ZNF365: variants seen among roughly 807,000 people sequenced by gnomAD.
ZNF365 encodes the protein protein ZNF365.
Under a neutral mutation model 35.0 loss-of-function variants are expected in ZNF365, and 22 were observed. The observed-to-expected ratio is 0.63, with a 90% CI of 0.45 to 0.90. The LOEUF (loss-of-function observed/expected upper bound fraction) is 0.90, where lower values mean the gene tolerates loss of function less well. Among genes scored for constraint, ZNF365 ranks in the 40% least tolerant of loss-of-function variants. ZNF365 has a pLI of 0.00. For synonymous variants in ZNF365, 188 were observed against 196.2 expected (o/e 0.96, Z 0.35); for missense variants, 448 against 500.3 (o/e 0.90, Z 1.00).
intron 2 of ZNF365, among the ~76,000 whole-genome samples, chr10:62,379,856 C>A (rs969917008): frequency 6.6e-6 from 1 of 152,160 alleles, no homozygotes; most frequent in Non-Finnish European, 1.5e-5. Flanking sequence ...CGGAGTTGGG[C>A]TCCCCTGCCA....
At chr10:62,379,634 C>T (rs1839400719) in intron 2 of ZNF365, among the ~76,000 whole-genome samples, 1 of 152,012 alleles carries the variant, frequency 6.6e-6, no homozygotes, top group South Asian at 2.1e-4. Context: ...AGCGTCTGGC[C>T]TCCCCACCCC....
intron 3 of ZNF365, among the ~76,000 whole-genome samples, chr10:62,444,414 A>T (rs1258161355): frequency 6.6e-6 from 1 of 152,164 alleles, no homozygotes; most frequent in Non-Finnish European, 1.5e-5. Flanking sequence ...ACTTCAAATT[A>T]CAGCTTCTGC....
chr10:62,383,749 C>T (rs1317511096), intron 2 of ZNF365, among the ~76,000 whole-genome samples: 1 of 152,162 alleles, frequency 6.6e-6, no homozygotes, highest in Non-Finnish European at 1.5e-5. Flanking sequence ...CTGTCTTTAA[C>T]CCATCTCAGA....
chr10:62,408,259 G>GA (rs778508289), intron 3 of ZNF365, among the ~76,000 whole-genome samples: 2 of 152,080 alleles, frequency 1.3e-5, no homozygotes, highest in Non-Finnish European at 2.9e-5. Flanking sequence ...CTTGAAAATA[G>GA]AAAAACAAGA....
intron 2 of ZNF365, among the ~76,000 whole-genome samples, chr10:62,378,803 A>C (rs189881367): frequency 6.6e-6 from 1 of 152,172 alleles, no homozygotes; most frequent in African/African-American, 2.4e-5. Flanking sequence ...AATAGATTTC[A>C]GGCATCTTTT....
At chr10:62,379,967 C>T (rs376025247) in intron 2 of ZNF365, among the ~76,000 whole-genome samples, 1 of 152,156 alleles carries the variant, frequency 6.6e-6, no homozygotes, top group African/African-American at 2.4e-5. Context: ...CTTTGAAACA[C>T]GGATAGTAGA....
At chr10:62,442,681 T>C (rs1840520992) in intron 3 of ZNF365, among the ~76,000 whole-genome samples, 1 of 152,226 alleles carries the variant, frequency 6.6e-6, no homozygotes, top group Non-Finnish European at 1.5e-5. Flanking sequence ...GAAATCCTAC[T>C]CCTCCACATA....
chr10:62,443,877 G>T (rs990661457), intron 3 of ZNF365, among the ~76,000 whole-genome samples: 1 of 152,094 alleles, frequency 6.6e-6, no homozygotes, highest in African/African-American at 2.4e-5. Context: ...ATTAAGCCAG[G>T]CCTCTCCACT....
At chr10:62,377,001 G>A (rs1839348824) in intron 2 of ZNF365, 65 bp downstream of exon 2, 2 of 1,530,932 alleles carry the variant, frequency 1.3e-6, no homozygotes, top group Non-Finnish European at 8.7e-7. Context: ...CGCCTTACAA[G>A]CAAATGCTAA....
chr10:62,388,525 C>T lies in ZNF365; in HGVS notation c.873C>T (p.Tyr291=), dbSNP rs1839563376. The stretch of plus-strand genomic sequence containing the variant: ...AACTGGCGGAGAAGCAGCTTGAGTA[C>T]TATCAGAGCCAGCAGGCCTCTGGCT... ...RVELAEKQLE[Y]YQSQQASGFV... The change falls in exon 3 of 5, where the codon TAC becomes TAT. Residue 291 remains tyrosine, a synonymous_variant. Coordinates refer to ENST00000395254, the MANE Select transcript of ZNF365 (RefSeq NM_014951.3). The T allele has an allele frequency of 2.5e-6, 4 of 1,614,132 alleles. No individual in the cohort carries two copies. Among genetic ancestry groups the T allele is most frequent in the Non-Finnish European group, 3.4e-6 (4 of 1,180,028 alleles).
Position 62,399,564 on chromosome 10 carries a change from T to G in ZNF365, c.999T>G (p.Pro333=). ...RGHPHSVCNH[P]DLKAHFHPKG... ...ACCCGCATTCGGTATGTAACCACCC[T>G]GATCTCAAGGCCCATTTCCACCCAA... Residue 333 remains proline, a synonymous_variant, in exon 5 of 5, where the codon CCT becomes CCG. Transcript: ENST00000395254. The G allele has an allele frequency of 6.2e-7, 1 of 1,614,112 alleles. No individual in the cohort carries two copies. Among genetic ancestry groups the G allele is most frequent in the Non-Finnish European group, 8.5e-7 (1 of 1,180,022 alleles).
chr10:62,444,095 C>T (rs1190572820), intron 3 of ZNF365, among the ~76,000 whole-genome samples: 1 of 152,200 alleles, frequency 6.6e-6, no homozygotes, highest in Non-Finnish European at 1.5e-5. Flanking sequence ...AAGTGTCAGA[C>T]TGACTCCAGG....
intron 4 of ZNF365, among the ~76,000 whole-genome samples, chr10:62,479,042 C>T (rs879346627): frequency 1.6e-4 from 25 of 152,136 alleles, no homozygotes; most frequent in Non-Finnish European, 3.1e-4. Context: ...TTTCTAGTAC[C>T]TTGCATCTAT....
At chr10:62,387,753 A>T (rs958161894) in intron 2 of ZNF365, among the ~76,000 whole-genome samples, 30 of 152,172 alleles carry the variant, frequency 2.0e-4, no homozygotes, top group Admixed American at 1.0e-3. Flanking sequence ...AAGATGACTC[A>T]TTTGATGTGC....
downstream of ZNF365, chr10:62,402,488 G>A: frequency 1.0e-6 from 1 of 983,760 alleles, no homozygotes; most frequent in Non-Finnish European, 1.2e-6. Flanking sequence ...GTGTTTTTTG[G>A]GGAGCCAAGT....
intron 2 of ZNF365, among the ~76,000 whole-genome samples, chr10:62,379,024 A>ATTTTT (rs35163241): frequency 1.4e-5 from 2 of 138,988 alleles, no homozygotes; most frequent in Admixed American, 7.2e-5. Flanking sequence ...TTACGAGTTG[A>ATTTTT]TTTTTTTTTT....
chr10:62,463,692 A>T (rs1199975189), intron 4 of ZNF365, among the ~76,000 whole-genome samples: 1 of 152,276 alleles, frequency 6.6e-6, no homozygotes. Context: ...TCCACAGTGT[A>T]AACATAATGC....
chr10:62,440,312 G>A (rs1481990995), intron 3 of ZNF365, among the ~76,000 whole-genome samples: 2 of 15,362 alleles, frequency 1.3e-4, no homozygotes, highest in Non-Finnish European at 2.0e-4. Flanking sequence ...ACTGGGTCAC[G>A]GGATGGGGGG....
At chr10:62,425,701 C>CT (rs968720217) in intron 3 of ZNF365, among the ~76,000 whole-genome samples, 8 of 152,224 alleles carry the variant, frequency 5.3e-5, no homozygotes, top group Admixed American at 1.3e-4. Context: ...ACACTGCACA[C>CT]TCGGCATTCC....
Sources: allele counts gnomAD v4.1 joint callset (sites outside exome capture counted in the v4.1 genomes callset), GRCh38; gene constraint gnomAD v4.1.1; transcripts MANE v1.5; gene names NCBI Gene and HGNC (gene_info 2026-07-23, HGNC 2026-07-21).